SLC25A48: variants seen among roughly 807,000 people sequenced by gnomAD.
SLC25A48 encodes the protein CTC-321K16.1.
SLC25A48 carries 29 observed loss-of-function variants against 32.2 expected under a neutral mutation model. The observed-to-expected ratio is 0.90, with a 90% CI of 0.67 to 1.23. The LOEUF (loss-of-function observed/expected upper bound fraction) is 1.23. Ranked by LOEUF, SLC25A48 falls within the 50% of genes most tolerant of loss-of-function variation. The pLI, the probability that SLC25A48 is intolerant of heterozygous loss-of-function variation, is 0.00. For missense variants in SLC25A48, 399 were observed against 422.7 expected (o/e 0.94, Z 0.49); for synonymous variants, 164 against 172.3 (o/e 0.95, Z 0.38).
intron 3 of SLC25A48, among the ~76,000 whole-genome samples, chr5:135,691,004 A>G (rs961652157): frequency 1.3e-5 from 2 of 152,094 alleles, no homozygotes; most frequent in South Asian, 2.1e-4. Context: ...GAAGTTTTAC[A>G]TATGAATTTC....
chr5:135,776,194 G>A (rs1217738645), intron 3 of SLC25A48, among the ~76,000 whole-genome samples: 1 of 149,430 alleles, frequency 6.7e-6, no homozygotes, highest in East Asian at 2.0e-4. Context: ...TAATATCCAA[G>A]CGAGTGATGA....
At chr5:135,836,970 A>T (rs866995814) in intron 1 of SLC25A48, among the ~76,000 whole-genome samples, 22 of 111,758 alleles carry the variant, frequency 2.0e-4, no homozygotes, top group Middle Eastern at 4.2e-3. Flanking sequence ...CCCCCCCCCC[A>T]CCCCCCCCCC....
At chr5:135,886,648 A>G (rs1359677160) in intron 7 of SLC25A48, among the ~76,000 whole-genome samples, 10,134 of 64,604 alleles carry the variant, frequency 0.16, 1,553 homozygotes, top group African/African-American at 0.31. Flanking sequence ...AAATATATAT[A>G]TGTGTGTGTG....
intron 1 of SLC25A48, among the ~76,000 whole-genome samples, chr5:135,841,469 C>T (rs1305501476): frequency 6.6e-6 from 1 of 152,022 alleles, no homozygotes; most frequent in East Asian, 1.9e-4. Flanking sequence ...GGCTCTTCAG[C>T]TGAATATAAA....
chr5:135,761,839 C>A (rs1023494314), intron 3 of SLC25A48, among the ~76,000 whole-genome samples: 1 of 152,160 alleles, frequency 6.6e-6, no homozygotes, highest in South Asian at 2.1e-4. Context: ...GATCCTGCGC[C>A]CCCCACTTGG....
At chr5:135,671,320 G>T (rs1304095740) in intron 3 of SLC25A48, among the ~76,000 whole-genome samples, 1 of 152,188 alleles carries the variant, frequency 6.6e-6, no homozygotes, top group South Asian at 2.1e-4. Flanking sequence ...CCTTTATGTA[G>T]CAGGCTCTCT....
At chr5:135,636,536 T>C (rs1281431636) in intron 3 of SLC25A48, among the ~76,000 whole-genome samples, 1 of 152,224 alleles carries the variant, frequency 6.6e-6, no homozygotes, top group Non-Finnish European at 1.5e-5. Context: ...TGTGTCTGAC[T>C]TCTAAGAGCA....
At chr5:135,807,287 T>C (rs1480930585) in intron 3 of SLC25A48, among the ~76,000 whole-genome samples, 1 of 150,634 alleles carries the variant, frequency 6.6e-6, no homozygotes, top group African/African-American at 2.4e-5. Flanking sequence ...CTGGATATAG[T>C]AATTATCATG....
At chr5:135,731,264 T>C (rs1193991234) in intron 3 of SLC25A48, among the ~76,000 whole-genome samples, 1 of 152,194 alleles carries the variant, frequency 6.6e-6, no homozygotes, top group African/African-American at 2.4e-5. Context: ...TGTCATCAGT[T>C]AAGGCAGGAA....
rs559226406 is a variant in SLC25A48 at position 135,863,513 on chromosome 5, G to A, written c.422-7948G>A. On this transcript the variant is annotated intron_variant, in intron 4 of 7. Transcript: ENST00000681962. ...GGCAGCAAAGAGAAGACTTAGTGAA[G>A]GAATTTGGGAAGAAGCAGAGAGTTA... Among the ~76,000 whole-genome samples, 4 of 152,306 alleles carry A rather than the reference G, an allele frequency of 2.6e-5. No homozygotes were observed. In the East Asian group the frequency reaches 7.7e-4, roughly 29 times the overall value.
rs141409720 is a variant in SLC25A48, at chr5:135,595,879, C to T, written c.-849+16282C>T. On this transcript the variant is annotated intron_variant, in intron 1 of 10. Transcript: ENST00000646290. ...AACCCAGGTTGCATCTATTCACACA[C>T]GCATCAGTATAAGGCCCCTAGCAGG... Among the ~76,000 whole-genome samples the T allele has an allele frequency of 5.5e-3, 839 of 152,274 alleles. 1 individual carries two copies. Among genetic ancestry groups the T allele is most frequent in the African/African-American group, 0.014 (584 of 41,566 alleles).
chr5:135,809,197 G>A (rs1183213020), intron 3 of SLC25A48, among the ~76,000 whole-genome samples: 1 of 152,062 alleles, frequency 6.6e-6, no homozygotes. Flanking sequence ...TACTTGGGAG[G>A]CTGAGGCAGG....
intron 3 of SLC25A48, among the ~76,000 whole-genome samples, chr5:135,723,380 T>TCTCACACACACACACACACA (rs1356362581): frequency 4.7e-4 from 53 of 111,758 alleles, no homozygotes; most frequent in East Asian, 1.8e-3. Flanking sequence ...TCTCTCTCTC[T>TCTCACACACACACACACACA]CACACACACA....
At position 135,603,551 on chromosome 5, in the gene SLC25A48, C is replaced by T. The variant is rs558198580; in HGVS notation, c.-849+23954C>T. ...GGCCTCATCCCTCTGACGGCCCCTC[C>T]CTGTGTCTGGTGGTGGGGGGGTGCG... On this transcript the variant is annotated intron_variant, in intron 1 of 10. Transcript: ENST00000646290. 3.9e-3 allele frequency among the ~76,000 whole-genome samples: 596 copies of T among 152,340 alleles called. 2 individuals are homozygous for T. The highest frequency in any genetic ancestry group is 0.017 in the Middle Eastern group (5 of 294).
intron 3 of SLC25A48, among the ~76,000 whole-genome samples, chr5:135,753,852 G>A (rs1003868878): frequency 7.9e-5 from 12 of 151,904 alleles, no homozygotes; most frequent in African/African-American, 2.4e-4. Flanking sequence ...ATGACATCAC[G>A]TGTACACCCA....
chr5:135,770,463 A>G (rs568040487), intron 3 of SLC25A48, among the ~76,000 whole-genome samples: 152 of 151,704 alleles, frequency 1.0e-3, no homozygotes, highest in African/African-American at 3.6e-3. Flanking sequence ...TAATATCCAT[A>G]GGCGGGAAGG....
chr5:135,631,141 A>G (rs564433740), intron 2 of SLC25A48, among the ~76,000 whole-genome samples: 212 of 152,326 alleles, frequency 1.4e-3, no homozygotes, highest in Admixed American at 3.4e-3. Flanking sequence ...TTTTGTGGCT[A>G]GCTTTATGAT....
At chr5:135,653,299 G>A (rs181355646) in intron 3 of SLC25A48, among the ~76,000 whole-genome samples, 3,574 of 152,250 alleles carry the variant, frequency 0.023, 146 homozygotes, top group African/African-American at 0.081. Flanking sequence ...TGATTACCAC[G>A]GGATGATTGG....
chr5:135,693,790 G>T (rs955607895), intron 3 of SLC25A48, among the ~76,000 whole-genome samples: 2 of 152,184 alleles, frequency 1.3e-5, no homozygotes, highest in African/African-American at 4.8e-5. Context: ...AGGAGGAAGG[G>T]CTGTCGGGGA....
Sources: gnomAD v4.1 joint callset for allele counts (sites outside exome capture counted in the v4.1 genomes callset) on GRCh38, gnomAD v4.1.1 for gene constraint, MANE v1.5 for transcripts, NCBI Gene and HGNC (gene_info 2026-07-23, HGNC 2026-07-21) for gene names.